TDRD7: variants seen among roughly 807,000 people sequenced by gnomAD.
The protein encoded by TDRD7 is tudor domain-containing protein 7.
Under a neutral mutation model 109.8 loss-of-function variants are expected in TDRD7, and 47 were observed. The ratio of observed to expected loss-of-function variants is 0.43; its 90% confidence interval spans 0.34 to 0.55. The LOEUF (loss-of-function observed/expected upper bound fraction) is 0.55, where lower values mean the gene tolerates loss of function less well. TDRD7 is among the 20% of genes least tolerant of loss of function. The pLI is 0.03. For missense variants in TDRD7, 1,164 were observed against 1,319.2 expected, an observed-to-expected ratio of 0.88 and a Z score of 1.82; for synonymous variants, 424 against 457.3, an observed-to-expected ratio of 0.93 and a Z score of 0.93.
At chr9:97,429,483 C>T (rs1828063561) in intron 2 of TDRD7, among the ~76,000 whole-genome samples, 1 of 152,152 alleles carries the variant, frequency 6.6e-6, no homozygotes, top group South Asian at 2.1e-4. Flanking sequence ...CTCACCAAAA[C>T]CTGACATAGT....
intron 4 of TDRD7, among the ~76,000 whole-genome samples, chr9:97,438,938 G>A (rs937628523): frequency 9.9e-5 from 15 of 151,820 alleles, no homozygotes; most frequent in Non-Finnish European, 2.1e-4. Flanking sequence ...TTTTTGCATG[G>A]TCTTCTTTAT....
In TDRD7 at chr9:97,496,050, A is replaced by G. The variant is rs922582193; in HGVS notation, c.*167A>G. The G allele has an allele frequency of 4.8e-6, 3 of 620,826 alleles. No individual in the cohort carries two copies. Among genetic ancestry groups the G allele is most frequent in the African/African-American group, 1.8e-5 (1 of 54,110 alleles). 38.5% of individuals were successfully genotyped at this position (620,826 alleles called of 1,614,324 possible). A position where few individuals can be genotyped will look rare whatever the true frequency, so the allele number is the denominator to read the frequency against. ...GATATTTAACAAGTTTTGTTTTAAC[A>G]GAGTTGACTTTTCAAAGAAAATTGT... On this transcript the variant is annotated 3_prime_UTR_variant, in exon 17 of 17. Transcript: ENST00000355295.
intron 2 of TDRD7, 128 bp from the exon 3 acceptor site, chr9:97,430,805 A>T: frequency 9.2e-7 from 1 of 1,089,780 alleles, no homozygotes; most frequent in Non-Finnish European, 1.4e-6. Context: ...GGAGCGAGAC[A>T]CATGAATATT....
intron 15 of TDRD7, among the ~76,000 whole-genome samples, chr9:97,485,205 C>T (rs1388764668): frequency 1.3e-5 from 2 of 152,118 alleles, no homozygotes; most frequent in African/African-American, 2.4e-5. Flanking sequence ...CCAAATCTAT[C>T]GCAGCATAAG....
intron 6 of TDRD7, among the ~76,000 whole-genome samples, chr9:97,450,235 AT>A (rs908845641): frequency 6.6e-6 from 1 of 152,116 alleles, no homozygotes; most frequent in Non-Finnish European, 1.5e-5. Flanking sequence ...GGACTGATGG[AT>A]TTTTTGGGTG....
chr9:97,469,258 A>G (rs2131160258), intron 8 of TDRD7, among the ~76,000 whole-genome samples: 1 of 152,344 alleles, frequency 6.6e-6, no homozygotes, highest in Non-Finnish European at 1.5e-5. Flanking sequence ...GTGCTAATTT[A>G]GGATTGGAGA....
At chr9:97,436,506 T>G (rs978594667) in intron 4 of TDRD7, among the ~76,000 whole-genome samples, 1 of 152,156 alleles carries the variant, frequency 6.6e-6, no homozygotes, top group Non-Finnish European at 1.5e-5. Flanking sequence ...TGTAATATCT[T>G]GACAGTATTC....
At chr9:97,469,321 G>C (rs548462445) in intron 8 of TDRD7, among the ~76,000 whole-genome samples, 52 of 152,298 alleles carry the variant, frequency 3.4e-4, no homozygotes, top group African/African-American at 1.2e-3. Flanking sequence ...CCCTACCAGC[G>C]ATCTAGGCCT....
chr9:97,420,880 C>G (rs1827888037), intron 1 of TDRD7, among the ~76,000 whole-genome samples: 1 of 152,108 alleles, frequency 6.6e-6, no homozygotes, highest in Non-Finnish European at 1.5e-5. Flanking sequence ...TGTCTGTAAT[C>G]CCAGCATTTT....
chr9:97,431,731 G>T (rs907137885), intron 3 of TDRD7, among the ~76,000 whole-genome samples: 3 of 152,162 alleles, frequency 2.0e-5, no homozygotes, highest in Non-Finnish European at 4.4e-5. Flanking sequence ...GGAGGACCAA[G>T]ATATAGCTGA....
intron 16 of TDRD7, among the ~76,000 whole-genome samples, chr9:97,491,197 G>T (rs564933372): frequency 1.8e-4 from 27 of 152,302 alleles, no homozygotes; most frequent in Non-Finnish European, 3.5e-4. Context: ...CCTCCAAAGT[G>T]CTGGGATTAC....
intron 2 of TDRD7, among the ~76,000 whole-genome samples, chr9:97,429,174 T>A (rs927966800): frequency 3.3e-5 from 5 of 152,140 alleles, no homozygotes; most frequent in African/African-American, 1.2e-4. Flanking sequence ...TCTGTTCTTT[T>A]CCTCTCCTTC....
At chr9:97,476,114 A>G (rs1007647976) in intron 12 of TDRD7, among the ~76,000 whole-genome samples, 2 of 152,072 alleles carry the variant, frequency 1.3e-5, no homozygotes, top group African/African-American at 2.4e-5. Flanking sequence ...CATATCTTCA[A>G]TTTTACTAGA....
chr9:97,420,364 T>TGTGGG (rs1827878575), intron 1 of TDRD7, among the ~76,000 whole-genome samples: 1 of 66,888 alleles, frequency 1.5e-5, no homozygotes. Flanking sequence ...AACTTTTTTT[T>TGTGGG]GGGGGGGGCG....
intron 1 of TDRD7, among the ~76,000 whole-genome samples, chr9:97,416,223 T>A (rs1456407521): frequency 2.0e-5 from 3 of 152,156 alleles, no homozygotes; most frequent in Non-Finnish European, 4.4e-5. Flanking sequence ...TAGCATACTT[T>A]AAAAAGGCAG....
At chr9:97,479,553 CT>C (rs775985130) in intron 13 of TDRD7, among the ~76,000 whole-genome samples, 4 of 150,132 alleles carry the variant, frequency 2.7e-5, no homozygotes, top group Non-Finnish European at 3.0e-5. Flanking sequence ...AATCACTAAA[CT>C]TTTTTTTTTC....
At chr9:97,461,981 T>C (rs1215749894) in intron 7 of TDRD7, among the ~76,000 whole-genome samples, 2 of 152,248 alleles carry the variant, frequency 1.3e-5, no homozygotes, top group Middle Eastern at 3.2e-3. Flanking sequence ...TATCTTCAGA[T>C]GCTCAAACTG....
chr9:97,485,500 G>T (rs1348885231), intron 15 of TDRD7, among the ~76,000 whole-genome samples: 1 of 152,126 alleles, frequency 6.6e-6, no homozygotes, highest in African/African-American at 2.4e-5. Flanking sequence ...CCACCAATTT[G>T]CCCTGTACAA....
chr9:97,479,667 A>G (rs1407223304), intron 13 of TDRD7, among the ~76,000 whole-genome samples: 3 of 152,210 alleles, frequency 2.0e-5, no homozygotes, highest in Non-Finnish European at 4.4e-5. Context: ...CATCTCTCCA[A>G]GAGTCTAAAT....
Sources: allele counts gnomAD v4.1 joint callset (sites outside exome capture counted in the v4.1 genomes callset), GRCh38; gene constraint gnomAD v4.1.1; transcripts MANE v1.5; gene names NCBI Gene and HGNC (gene_info 2026-07-23, HGNC 2026-07-21).